BEAN1: variants seen among roughly 807,000 people sequenced by gnomAD.
The protein encoded by BEAN1 is protein BEAN1.
BEAN1 carries 17 observed loss-of-function variants against 17.7 expected under a neutral mutation model. The observed-to-expected ratio is 0.96, with a 90% CI of 0.66 to 1.44. BEAN1 has a LOEUF of 1.44. BEAN1 is among the 40% of genes most tolerant of loss of function. The probability of loss-of-function intolerance (pLI) is 0.00; values close to 1 mark genes in which losing one functional copy is unlikely to be tolerated. For synonymous variants in BEAN1, 142 were observed against 151.8 expected, an observed-to-expected ratio of 0.94 and a Z score of 0.47; for missense variants, 359 against 374.1, an observed-to-expected ratio of 0.96 and a Z score of 0.33.
At chr16:66,494,808 T>C (rs1165845297), downstream of BEAN1, among the ~76,000 whole-genome samples, 1 of 152,202 alleles carries the variant, frequency 6.6e-6, no homozygotes, top group East Asian at 1.9e-4. Context: ...TGTACACATA[T>C]ACATGCACAT....
chr16:66,466,652 G>A (rs556995153), intron 2 of BEAN1, among the ~76,000 whole-genome samples: 6 of 152,218 alleles, frequency 3.9e-5, no homozygotes, highest in East Asian at 1.9e-4. Context: ...TGCAACCTCC[G>A]CCTCCCAGGT....
At chr16:66,486,291 C>T (rs1201046860), downstream of BEAN1, among the ~76,000 whole-genome samples, 3 of 151,984 alleles carry the variant, frequency 2.0e-5, no homozygotes, top group Non-Finnish European at 4.4e-5. Flanking sequence ...TGCAGTGGTA[C>T]GATCTCGGCT....
At chr16:66,490,906 C>T (rs1964168060) in intron 4 of BEAN1, among the ~76,000 whole-genome samples, 1 of 152,194 alleles carries the variant, frequency 6.6e-6, no homozygotes, top group Non-Finnish European at 1.5e-5. Flanking sequence ...CTCTTGCTAG[C>T]ACAACTTCCT....
At chr16:66,431,909 C>T (rs1434017561) in intron 1 of BEAN1, among the ~76,000 whole-genome samples, 4 of 151,962 alleles carry the variant, frequency 2.6e-5, no homozygotes, top group Admixed American at 1.3e-4. Context: ...TGGGTTTAAG[C>T]GATTCTCCTG....
chr16:66,449,226 G>C (rs1962574102), intron 2 of BEAN1, among the ~76,000 whole-genome samples: 1 of 151,906 alleles, frequency 6.6e-6, no homozygotes, highest in African/African-American at 2.4e-5. Flanking sequence ...TCACCCATGT[G>C]AGTGCACCAC....
At chr16:66,465,505 T>C (rs1963230618) in intron 2 of BEAN1, among the ~76,000 whole-genome samples, 1 of 152,248 alleles carries the variant, frequency 6.6e-6, no homozygotes, top group African/African-American at 2.4e-5. Flanking sequence ...TGATAAAATA[T>C]ATGTAACATA....
chr16:66,442,379 C>G (rs1962290295), intron 2 of BEAN1, among the ~76,000 whole-genome samples: 1 of 152,158 alleles, frequency 6.6e-6, no homozygotes, highest in Non-Finnish European at 1.5e-5. Flanking sequence ...CTCCCTCTGG[C>G]CTTTGGGAAC....
At chr16:66,457,234 A>T (rs539092337) in intron 2 of BEAN1, among the ~76,000 whole-genome samples, 1 of 152,286 alleles carries the variant, frequency 6.6e-6, no homozygotes, top group South Asian at 2.1e-4. Context: ...TGACGGATGG[A>T]TGGATGATTA....
rs1382135618 is a variant in BEAN1 at position 66,477,695 on chromosome 16, C to G, written c.425C>G (p.Pro142Arg). 6.5e-7 allele frequency: 1 copy of G among 1,548,068 alleles called. No homozygotes were observed. The highest frequency in any genetic ancestry group is 8.7e-7 in the Non-Finnish European group (1 of 1,145,336). ...GCCACGGTGCTCAGGGAGCTGTACCCAGATTCTCCACCAGGGTAAGGAGGC... is the reference window on the plus strand; with the variant it reads ...GCCACGGTGCTCAGGGAGCTGTACCGAGATTCTCCACCAGGGTAAGGAGGC... ...VDATVLRELY[P>R]DSPPGYEECV... is the part of the protein sequence containing the mutation. Residue 142 changes from proline to arginine, a missense_variant, in exon 4 of 5, where the codon CCA (proline) becomes CGA (arginine). Physicochemically the swap from Pro to Arg is moderately radical, Grantham distance 103. Coordinates refer to ENST00000536005, the MANE Select transcript of BEAN1 (RefSeq NM_001178020.3).
At chr16:66,438,805 C>CA (rs1483569183) in intron 2 of BEAN1, among the ~76,000 whole-genome samples, 2 of 146,394 alleles carry the variant, frequency 1.4e-5, no homozygotes, top group South Asian at 2.3e-4. Flanking sequence ...GTTCCCTGAG[C>CA]CCCCCCCAAA....
intron 2 of BEAN1, among the ~76,000 whole-genome samples, chr16:66,449,150 A>G (rs1242621092): frequency 6.6e-6 from 1 of 152,096 alleles, no homozygotes; most frequent in African/African-American, 2.4e-5. Flanking sequence ...TTTGAATTTT[A>G]TATATATGGA....
intron 1 of BEAN1, 44 bp from the exon 2 acceptor site, chr16:66,437,551 T>A: frequency 1.7e-6 from 2 of 1,151,528 alleles, no homozygotes; most frequent in Non-Finnish European, 2.4e-6. Flanking sequence ...GGGCTGTGGG[T>A]GCGCCATGGG....
intron 2 of BEAN1, among the ~76,000 whole-genome samples, chr16:66,448,302 G>A (rs1225904357): frequency 6.6e-6 from 1 of 152,176 alleles, no homozygotes; most frequent in African/African-American, 2.4e-5. Context: ...TCATGAGCCA[G>A]TTGCTAAACC....
At position 66,471,103 on chromosome 16, in the gene BEAN1, A is replaced by T. The variant is rs939395559; in HGVS notation, c.289+1238A>T. Among the ~76,000 whole-genome samples, 3 of 152,214 alleles carry T rather than the reference A, an allele frequency of 2.0e-5. No homozygotes were observed. Among genetic ancestry groups the T allele is most frequent in the African/African-American group, 7.2e-5 (3 of 41,448 alleles). On this transcript the variant is annotated intron_variant, in intron 3 of 4. Coordinates refer to ENST00000536005, the MANE Select transcript of BEAN1 (RefSeq NM_001178020.3). This position sits in a 1 kb window ranked among gnomAD's most constrained non-coding sequence, Gnocchi z 4.7. ...GAAAAGAAAGATAGGAAAAATTTTT[A>T]AAATAGATTGAATTGGATCCGATCA...
At chr16:66,459,422 C>T (rs1962998618) in intron 2 of BEAN1, among the ~76,000 whole-genome samples, 1 of 152,098 alleles carries the variant, frequency 6.6e-6, no homozygotes, top group African/African-American at 2.4e-5. Flanking sequence ...TGGGTTCAAG[C>T]GATTCTCCTG....
intron 2 of BEAN1, among the ~76,000 whole-genome samples, chr16:66,440,216 G>GC (rs1484725971): frequency 7.3e-6 from 1 of 136,236 alleles, no homozygotes; most frequent in African/African-American, 2.8e-5. Context: ...TGCAGGCTCC[G>GC]CCTCCCAGGT....
chr16:66,478,994 C>G (rs1963878793), intron 4 of BEAN1: 2 of 152,408 alleles, frequency 1.3e-5, no homozygotes, highest in Non-Finnish European at 2.9e-5. Context: ...CCCTGGCTTT[C>G]CAGTCATACC....
intron 2 of BEAN1, among the ~76,000 whole-genome samples, chr16:66,439,612 G>GT (rs35258664): frequency 0.37 from 56,287 of 152,080 alleles, 11,579 homozygotes; most frequent in Non-Finnish European, 0.47. Flanking sequence ...ACTCCAGGGT[G>GT]TGGTCACTGA....
chr16:66,476,030 G>A (rs918335046), intron 3 of BEAN1, among the ~76,000 whole-genome samples: 20 of 151,250 alleles, frequency 1.3e-4, no homozygotes, highest in African/African-American at 9.7e-5. Context: ...GAATGGCGTG[G>A]ACCCCGGAGG....
Sources: allele counts gnomAD v4.1 joint callset (sites outside exome capture counted in the v4.1 genomes callset), GRCh38; gene constraint gnomAD v4.1.1; non-coding constraint Gnocchi (gnomAD v3.1); transcripts MANE v1.5; gene names NCBI Gene and HGNC (gene_info 2026-07-23, HGNC 2026-07-21).